The following MYO7A variants were observed in gnomAD, a reference collection of about 807,000 sequenced individuals.
MYO7A encodes the protein myosin VIIA.
MYO7A carries 210 observed loss-of-function variants against 263.8 expected under a neutral mutation model. The observed-to-expected ratio is 0.80, with a 90% CI of 0.71 to 0.89. The LOEUF is 0.89. MYO7A is among the 40% of genes least tolerant of loss of function. MYO7A has a pLI of 0.00. For missense variants in MYO7A, 2,820 were observed against 2,968.3 expected, an observed-to-expected ratio of 0.95 and a Z score of 1.16; for synonymous variants, 1,239 against 1,197.3, an observed-to-expected ratio of 1.03 and a Z score of -0.72.
intron 47 of MYO7A, among the ~76,000 whole-genome samples, chr11:77,213,452 A>G (rs1294885437): frequency 1.3e-5 from 2 of 152,204 alleles, no homozygotes; most frequent in Non-Finnish European, 2.9e-5. Flanking sequence ...GGCTTCATGC[A>G]TCACGCATTC....
chr11:77,195,774 G>A (rs1956610562), intron 32 of MYO7A, among the ~76,000 whole-genome samples: 1 of 152,156 alleles, frequency 6.6e-6, no homozygotes, highest in Non-Finnish European at 1.5e-5. Context: ...AGGGTGGGAG[G>A]GTGCATTGTT....
At position 77,205,379 on chromosome 11, in the gene MYO7A, A is replaced by G. The variant is rs11237121; in HGVS notation, c.5481-83A>G. The G allele has an allele frequency of 0.55, 802,791 of 1,471,460 alleles. 221,835 individuals carry two copies. Among genetic ancestry groups the G allele is most frequent in the Admixed American group, 0.65 (31,486 of 48,564 alleles). The allele number at this position is 1,471,460 out of a possible 1,614,324, so 91.2% of individuals were successfully genotyped here. Reference sequence around the variant, plus strand: ...GCTGTGATGAGCAGCTGAGGGGTACATGGCCCCCTCACCCGGGGGTGCACA... The same window carrying G: ...GCTGTGATGAGCAGCTGAGGGGTACGTGGCCCCCTCACCCGGGGGTGCACA... On this transcript the variant is annotated intron_variant, in intron 39 of 48. Transcript: ENST00000409709.
chr11:77,192,314 G>T (rs760904272), intron 31 of MYO7A, 36 bp downstream of exon 31: 1 of 1,594,434 alleles, frequency 6.3e-7, no homozygotes, highest in South Asian at 1.1e-5. Flanking sequence ...GGCTGGCTTG[G>T]CTCACAGCCT....
chr11:77,147,968 C>T lies in MYO7A; in HGVS notation c.285+18C>T, dbSNP rs782367486. On this transcript the variant is annotated intron_variant, in intron 4 of 48. Coordinates refer to ENST00000409709, the MANE Select transcript of MYO7A (RefSeq NM_000260.4). The stretch of plus-strand genomic sequence containing the variant: ...TCATCTACGTGAGTGCCGCCCCGCC[C>T]GGTGCCCGTCCAGGCCCCCTCAGGC... The T allele has an allele frequency of 2.6e-6, 4 of 1,528,238 alleles. No individual in the cohort carries two copies. Among genetic ancestry groups the T allele is most frequent in the South Asian group, 1.2e-5 (1 of 82,132 alleles). The allele number at this position is 1,528,238 out of a possible 1,614,324, so 94.7% of individuals were successfully genotyped here.
intron 18 of MYO7A, among the ~76,000 whole-genome samples, chr11:77,176,472 G>A (rs1426212880): frequency 3.3e-5 from 5 of 152,206 alleles, no homozygotes; most frequent in Non-Finnish European, 7.3e-5. Context: ...AGAGAAGTGA[G>A]TTGCCTGAAA....
chr11:77,183,996 G>C (rs1955463573), intron 26 of MYO7A, among the ~76,000 whole-genome samples: 1 of 152,122 alleles, frequency 6.6e-6, no homozygotes, highest in African/African-American at 2.4e-5. Flanking sequence ...AGGGTGTTCA[G>C]TGGTGCTCCC....
At position 77,204,170 on chromosome 11, in the gene MYO7A, G is replaced by A. The variant is rs373118217; in HGVS notation, c.5421G>A (p.Glu1807=). 1.3e-6 allele frequency: 2 copies of A among 1,589,948 alleles called. No homozygotes were observed. Among genetic ancestry groups the A allele is most frequent in the African/African-American group, 2.7e-5 (2 of 74,236 alleles). Residue 1807 remains glutamate (E), a synonymous_variant, in exon 39 of 49, where the codon GAG becomes GAA. Coordinates refer to ENST00000409709, the MANE Select transcript of MYO7A (RefSeq NM_000260.4). ...DQIFEGPLKA[E]PLKDEAYVQI... Reference sequence around the variant, plus strand: ...TCTTTGAGGGTCCCCTGAAAGCCGAGCCCCTGAAGGACGAGGCATATGTGC... The same window carrying A: ...TCTTTGAGGGTCCCCTGAAAGCCGAACCCCTGAAGGACGAGGCATATGTGC...
chr11:77,174,166 C>T (rs1954399142), intron 16 of MYO7A, among the ~76,000 whole-genome samples: 1 of 152,166 alleles, frequency 6.6e-6, no homozygotes, highest in Non-Finnish European at 1.5e-5. Flanking sequence ...CCAGCACCTG[C>T]CTTCTACTCT....
At chr11:77,189,289 AC>A in intron 27 of MYO7A, 54 bp from the exon 28 acceptor site, 2 of 1,604,884 alleles carry the variant, frequency 1.2e-6, no homozygotes, top group Admixed American at 3.3e-5. Flanking sequence ...GGAGGTGGGG[AC>A]CGGGGCTGTT....
intron 22 of MYO7A, 136 bp from the exon 23 acceptor site, chr11:77,181,244 C>A: frequency 1.3e-6 from 1 of 745,190 alleles, no homozygotes; most frequent in South Asian, 1.9e-5. Context: ...AAGTCAGAGG[C>A]TCCATTCTTC....
intron 9 of MYO7A, 81 bp from the exon 10 acceptor site, chr11:77,159,366 A>T: frequency 7.5e-7 from 1 of 1,338,168 alleles, no homozygotes; most frequent in Non-Finnish European, 1.1e-6. Flanking sequence ...CAGGAGTGGC[A>T]GCCTAGTCCT....
At chr11:77,208,238 G>A (rs889232519) in intron 42 of MYO7A, among the ~76,000 whole-genome samples, 192 bp from the exon 43 acceptor site, 7 of 152,176 alleles carry the variant, frequency 4.6e-5, no homozygotes, top group African/African-American at 1.2e-4. Context: ...CATCGCTCCC[G>A]GCAAGAAGTG....
At chr11:77,132,512 CAG>C (rs1389818195) in intron 2 of MYO7A, among the ~76,000 whole-genome samples, 2 of 152,186 alleles carry the variant, frequency 1.3e-5, no homozygotes, top group South Asian at 2.1e-4. Flanking sequence ...TGTTTTGAGA[CAG>C]AGTCTTGCTT....
At chr11:77,142,300 G>A (rs1555051058) in intron 2 of MYO7A, among the ~76,000 whole-genome samples, 1 of 152,238 alleles carries the variant, frequency 6.6e-6, no homozygotes, top group Non-Finnish European at 1.5e-5. Context: ...GGAGGCTGCA[G>A]CATTCACCCA....
At chr11:77,163,934 C>T (rs1159862328) in intron 14 of MYO7A, among the ~76,000 whole-genome samples, 1 of 152,124 alleles carries the variant, frequency 6.6e-6, no homozygotes, top group Non-Finnish European at 1.5e-5. Flanking sequence ...TTTGGATGGG[C>T]TCAATGCTTG....
chr11:77,149,596 G>T (rs1310118396), intron 4 of MYO7A, among the ~76,000 whole-genome samples: 3 of 152,152 alleles, frequency 2.0e-5, no homozygotes, highest in Admixed American at 6.5e-5. Flanking sequence ...CAGGGGTCCA[G>T]TCCCTCTCAG....
intron 14 of MYO7A, 47 bp from the exon 15 acceptor site, chr11:77,166,009 G>C (rs1555072265): frequency 1.4e-6 from 2 of 1,416,170 alleles, no homozygotes; most frequent in South Asian, 2.4e-5. Flanking sequence ...GGTTTGGGGA[G>C]GGCCTGCCAG....
At chr11:77,161,450 C>T (rs1282478518) in intron 12 of MYO7A, among the ~76,000 whole-genome samples, 3 of 152,196 alleles carry the variant, frequency 2.0e-5, no homozygotes, top group Admixed American at 6.5e-5. Context: ...GCCTGTGCCA[C>T]GCTTGTGTTG....
intron 7 of MYO7A, 49 bp downstream of exon 7, chr11:77,157,053 CAG>C: frequency 1.3e-6 from 2 of 1,590,348 alleles, no homozygotes; most frequent in Admixed American, 1.7e-5. Context: ...CCCCTGGCCT[CAG>C]GGGTCTGCGT....
Sources: allele counts gnomAD v4.1 joint callset (sites outside exome capture counted in the v4.1 genomes callset), GRCh38; gene constraint gnomAD v4.1.1; transcripts MANE v1.5; gene names NCBI Gene and HGNC (gene_info 2026-07-23, HGNC 2026-07-21).